Variants in HMGCLL1 observed in about 807,000 individuals in gnomAD.
HMGCLL1 encodes 3-hydroxymethyl-3-methylglutaryl-CoA lyase, cytoplasmic.
In HMGCLL1, 36 loss-of-function variants were observed where a neutral mutation model predicts 39.1. That is an observed-to-expected ratio of 0.92 (90% CI 0.71 to 1.22). The LOEUF (loss-of-function observed/expected upper bound fraction) is 1.22. Ranked by LOEUF, HMGCLL1 falls within the 50% of genes most tolerant of loss-of-function variation. HMGCLL1 has a pLI of 0.00. For synonymous variants in HMGCLL1, 149 were observed against 144.0 expected (o/e 1.03, Z -0.25); for missense variants, 451 against 416.5 (o/e 1.08, Z -0.72).
At chr6:55,636,413 C>CTT in the HMGCLL1 span, among the ~76,000 whole-genome samples, 4 of 152,092 alleles carry the variant, frequency 2.6e-5, no homozygotes, top group Non-Finnish European at 5.9e-5. Flanking sequence ...AACAAAGGGT[C>CTT]TAAGTTTCCT....
intron 1 of HMGCLL1, among the ~76,000 whole-genome samples, chr6:55,552,808 C>T (rs1337173973): frequency 6.6e-6 from 1 of 151,736 alleles, no homozygotes; most frequent in Non-Finnish European, 1.5e-5. Context: ...AGCTGTGTTT[C>T]CAATAGCTCT....
chr6:55,582,986 C>T (rs759734697), upstream of HMGCLL1, among the ~76,000 whole-genome samples: 21 of 151,958 alleles, frequency 1.4e-4, no homozygotes, highest in Non-Finnish European at 2.8e-4. Flanking sequence ...AGAAAATGAT[C>T]ATACGAATCT....
At chr6:55,607,552 C>A in the HMGCLL1 span, among the ~76,000 whole-genome samples, 3 of 152,082 alleles carry the variant, frequency 2.0e-5, no homozygotes, top group Non-Finnish European at 4.4e-5. Context: ...CCCTTTCTCA[C>A]GGCCGCCCAC....
rs374375269 is a variant in HMGCLL1, at chr6:55,511,175, C to T, written c.542+2873G>A. Reference sequence around the variant, plus strand: ...CCCTCTTAACCTTTTACAATTTAGACAGTTAATAGAAAAATTATCTAGATT... The same window carrying T: ...CCCTCTTAACCTTTTACAATTTAGATAGTTAATAGAAAAATTATCTAGATT... On this transcript the variant is annotated intron_variant, in intron 5 of 8. Coordinates refer to ENST00000274901, the MANE Select transcript of HMGCLL1 (RefSeq NM_001042406.2). Among the ~76,000 whole-genome samples the T allele has an allele frequency of 5.3e-5, 8 of 152,052 alleles. No individual in the cohort carries two copies. The East Asian group carries it at 5.8e-4, about 11-fold the overall frequency.
the HMGCLL1 span, among the ~76,000 whole-genome samples, chr6:55,655,640 T>C: frequency 5.2e-3 from 790 of 152,040 alleles, 8 homozygotes; most frequent in African/African-American, 0.018. Context: ...GAAATATGTA[T>C]GGACTCTTTC....
At chr6:55,557,474 C>T (rs1770734560) in intron 1 of HMGCLL1, among the ~76,000 whole-genome samples, 1 of 152,072 alleles carries the variant, frequency 6.6e-6, no homozygotes, top group Admixed American at 6.6e-5. Flanking sequence ...CTTGGCTTCG[C>T]TTTCTAACAC....
chr6:55,477,366 TTAATA>T lies in HMGCLL1; in HGVS notation c.795+18048_795+18052del, dbSNP rs1462403832. Among the ~76,000 whole-genome samples the T allele has an allele frequency of 3.3e-4, 11 of 33,366 alleles. 1 individual carries two copies. Among genetic ancestry groups the T allele is most frequent in the South Asian group, 7.8e-4 (1 of 1,290 alleles). The allele number at this position is 33,366 out of a possible 152,430, so 21.9% of individuals were successfully genotyped here. A position where few individuals can be genotyped will look rare whatever the true frequency, so the allele number is the denominator to read the frequency against. ...TTATATTTAGATAATATATATTATA[TTAATA>T]TAATATATATTATCTAAATATAATA... On this transcript the variant is annotated intron_variant, in intron 7 of 8. Transcript: ENST00000274901.
At chr6:55,446,103 C>G (rs1235278217) in intron 7 of HMGCLL1, among the ~76,000 whole-genome samples, 2 of 151,770 alleles carry the variant, frequency 1.3e-5, no homozygotes, top group African/African-American at 4.8e-5. Flanking sequence ...CTGTAGCTCA[C>G]AGAATTTAGC....
chr6:55,459,082 C>T (rs942428290), intron 7 of HMGCLL1, among the ~76,000 whole-genome samples: 1 of 152,074 alleles, frequency 6.6e-6, no homozygotes, highest in Non-Finnish European at 1.5e-5. Flanking sequence ...AGAGCAGCCT[C>T]CTCTCCTGTC....
chr6:55,615,550 A>G, the HMGCLL1 span, among the ~76,000 whole-genome samples: 1 of 152,280 alleles, frequency 6.6e-6, no homozygotes, highest in East Asian at 1.9e-4. Context: ...GGTTGGTAAG[A>G]CTTTTGTGAA....
the HMGCLL1 span, among the ~76,000 whole-genome samples, chr6:55,628,437 A>G: frequency 6.6e-6 from 1 of 150,718 alleles, no homozygotes; most frequent in Non-Finnish European, 1.5e-5. Flanking sequence ...TGAGTAGCTG[A>G]GATTACAGGC....
intron 5 of HMGCLL1, among the ~76,000 whole-genome samples, chr6:55,505,095 G>C (rs909754695): frequency 7.3e-5 from 11 of 151,550 alleles, no homozygotes; most frequent in African/African-American, 2.7e-4. Flanking sequence ...TTTTTTAATA[G>C]TCTGTAAAAA....
At chr6:55,535,956 G>C (rs1768994567) in intron 3 of HMGCLL1, among the ~76,000 whole-genome samples, 1 of 152,056 alleles carries the variant, frequency 6.6e-6, no homozygotes, top group South Asian at 2.1e-4. Context: ...CAAAAGAAAA[G>C]AGCTAGGAGG....
intron 3 of HMGCLL1, among the ~76,000 whole-genome samples, chr6:55,538,308 T>A (rs1769144877): frequency 6.6e-6 from 1 of 152,190 alleles, no homozygotes; most frequent in South Asian, 2.1e-4. Flanking sequence ...TCAAATAATA[T>A]TAGCGAAATC....
At chr6:55,618,171 G>A in the HMGCLL1 span, among the ~76,000 whole-genome samples, 1 of 151,996 alleles carries the variant, frequency 6.6e-6, no homozygotes, top group Non-Finnish European at 1.5e-5. Flanking sequence ...AAGGGAGGAT[G>A]TTATAATTGG....
chr6:55,650,090 CATATATATATATATATATATATATATAT>C, the HMGCLL1 span, among the ~76,000 whole-genome samples: 55 of 52,288 alleles, frequency 1.1e-3, no homozygotes, highest in African/African-American at 3.1e-3. Flanking sequence ...CACACATATA[CATATATATATATATATATATATATATAT>C]ATATATATAT....
At chr6:55,570,886 C>T (rs890051552) in intron 1 of HMGCLL1, among the ~76,000 whole-genome samples, 10 of 152,118 alleles carry the variant, frequency 6.6e-5, no homozygotes, top group Admixed American at 5.2e-4. Context: ...GCTAGGGAGG[C>T]CTCACAATCA....
intron 3 of HMGCLL1, among the ~76,000 whole-genome samples, chr6:55,520,929 AT>A (rs1768007431): frequency 6.6e-6 from 1 of 152,026 alleles, no homozygotes; most frequent in Non-Finnish European, 1.5e-5. Flanking sequence ...AAGCATGCAC[AT>A]TTTGATATAG....
rs116672420 is a variant in HMGCLL1, at chr6:55,468,433, C to T, written c.795+26986G>A. 7.3e-3 allele frequency among the ~76,000 whole-genome samples: 1,103 copies of T among 152,010 alleles called. 9 individuals carry two copies. Among genetic ancestry groups the T allele is most frequent in the African/African-American group, 0.019 (794 of 41,502 alleles). ...ATGCTGTCATAATGAGATGTGTCAA[C>T]ATCCAATTATAATACCTATCTTTTA... On this transcript the variant is annotated intron_variant, in intron 7 of 8. Coordinates refer to ENST00000274901, the MANE Select transcript of HMGCLL1 (RefSeq NM_001042406.2).
Sources: gnomAD v4.1 joint callset for allele counts (sites outside exome capture counted in the v4.1 genomes callset) on GRCh38, gnomAD v4.1.1 for gene constraint, MANE v1.5 for transcripts, NCBI Gene and HGNC (gene_info 2026-07-23, HGNC 2026-07-21) for gene names.